The following SPATA6L variants were observed in gnomAD, a reference collection of about 807,000 sequenced individuals.
SPATA6L encodes the protein spermatogenesis associated 6 like.
A neutral mutation model predicts 49.2 loss-of-function variants in SPATA6L; 68 were observed. The observed-to-expected ratio is 1.38, with a 90% CI of 1.14 to 1.69. SPATA6L has a LOEUF of 1.69. Ranked by LOEUF, SPATA6L falls within the 40% of genes most tolerant of loss-of-function variation. The pLI is 0.00. For missense variants in SPATA6L, 668 were observed against 464.3 expected, an observed-to-expected ratio of 1.44 and a Z score of -4.03; for synonymous variants, 198 against 165.7, an observed-to-expected ratio of 1.19 and a Z score of -1.50.
At chr9:4,605,958 C>A (rs538296168) in intron 9 of SPATA6L, among the ~76,000 whole-genome samples, 1 of 152,082 alleles carries the variant, frequency 6.6e-6, no homozygotes, top group Non-Finnish European at 1.5e-5. Flanking sequence ...GTGCGCGCAC[C>A]GTGCGCGAGC....
chr9:4,662,522 G>T lies in SPATA6L; in HGVS notation c.40-486C>A, dbSNP rs774851123. The T allele has an allele frequency of 1.3e-6, 2 of 1,558,472 alleles. No homozygotes were observed. The highest frequency in any genetic ancestry group is 1.4e-5 in the African/African-American group (1 of 73,650). ...AGTCCCTGCTCAGCAGCCGCGCCAC[G>T]GCCGTGGACCCCACCTGCGCCCGGC... On this transcript the variant is annotated intron_variant, in intron 1 of 11. Coordinates refer to ENST00000682582, the MANE Select transcript of SPATA6L (RefSeq NM_001353486.2). The surrounding 1 kb of genome is among the most constrained non-coding windows in gnomAD (Gnocchi z 4.9).
At chr9:4,615,434 A>G (rs1467195206) in intron 9 of SPATA6L, among the ~76,000 whole-genome samples, 1 of 152,146 alleles carries the variant, frequency 6.6e-6, no homozygotes. Context: ...CTCAATTCCA[A>G]TCCCAGTTGA....
chr9:4,623,622 A>G (rs1829804959), intron 6 of SPATA6L, among the ~76,000 whole-genome samples: 1 of 152,176 alleles, frequency 6.6e-6, no homozygotes, highest in Non-Finnish European at 1.5e-5. Flanking sequence ...AAATCTGACT[A>G]AATAAAAAAA....
At chr9:4,641,214 A>G (rs992716218) in intron 3 of SPATA6L, among the ~76,000 whole-genome samples, 8 of 152,196 alleles carry the variant, frequency 5.3e-5, no homozygotes, top group African/African-American at 1.9e-4. Flanking sequence ...AACTATATAT[A>G]CTAAATACTA....
chr9:4,629,769 G>GTGTGTGTGTGTGTGTA (rs1311805859), intron 4 of SPATA6L, among the ~76,000 whole-genome samples: 58 of 101,920 alleles, frequency 5.7e-4, no homozygotes, highest in African/African-American at 2.7e-3. Context: ...GTGTGTGTGT[G>GTGTGTGTGTGTGTGTA]TATATATATA....
intron 5 of SPATA6L, chr9:4,626,326 G>C: frequency 8.2e-7 from 1 of 1,213,248 alleles, no homozygotes; most frequent in Non-Finnish European, 1.1e-6. Context: ...GTTCAGATTT[G>C]AGTCTAGACC....
intron 9 of SPATA6L, among the ~76,000 whole-genome samples, chr9:4,616,014 C>T (rs549380927): frequency 1.3e-5 from 2 of 152,296 alleles, no homozygotes; most frequent in East Asian, 1.9e-4. Flanking sequence ...CACGGTGGCT[C>T]ATGCCTGTAC....
downstream of SPATA6L, among the ~76,000 whole-genome samples, chr9:4,594,829 T>C: frequency 6.6e-6 from 1 of 152,126 alleles, no homozygotes; most frequent in East Asian, 1.9e-4. Flanking sequence ...TAAATTCTAT[T>C]TACAACCATA....
intron 3 of SPATA6L, among the ~76,000 whole-genome samples, chr9:4,650,991 C>T (rs182440991): frequency 1.3e-5 from 2 of 152,092 alleles, no homozygotes; most frequent in Non-Finnish European, 2.9e-5. Flanking sequence ...CATGAGCCAC[C>T]GTGCCCGGCG....
rs370364045 is a variant in SPATA6L, at chr9:4,611,925, CCTTGAACT to C, written c.995+5990_995+5997del. Among the ~76,000 whole-genome samples the C allele has an allele frequency of 6.5e-3, 991 of 152,192 alleles. 10 individuals carry two copies. Among genetic ancestry groups the C allele is most frequent in the African/African-American group, 0.023 (941 of 41,522 alleles). ...ACTGCATGATCATAGCTCACTGCAACCTTGAACTCTTGGACTCAAGCAATCCTCCAACT... is the reference window on the plus strand; with the variant it reads ...ACTGCATGATCATAGCTCACTGCAACCTTGGACTCAAGCAATCCTCCAACT... On this transcript the variant is annotated intron_variant, in intron 9 of 11. Coordinates refer to ENST00000682582, the MANE Select transcript of SPATA6L (RefSeq NM_001353486.2).
At position 4,662,731 on chromosome 9, in the gene SPATA6L, T is replaced by G. The variant is rs754070986; in HGVS notation, c.40-695A>C. The G allele has an allele frequency of 6.2e-7, 1 of 1,602,564 alleles. No homozygotes were observed. On this transcript the variant is annotated intron_variant, in intron 1 of 11. Transcript: ENST00000682582. This position sits in a 1 kb window ranked among gnomAD's most constrained non-coding sequence, Gnocchi z 4.9. ...CTGTGGCTGTCCAAGAAGCTGGGGG[T>G]GTGCGCGGGAGAGAGCTCGTCGTGG...
At chr9:4,634,206 T>C (rs1457174254) in intron 4 of SPATA6L, among the ~76,000 whole-genome samples, 3 of 152,232 alleles carry the variant, frequency 2.0e-5, no homozygotes, top group Admixed American at 6.5e-5. Flanking sequence ...GAGTATCCCC[T>C]ACCTAATTCT....
intron 11 of SPATA6L, among the ~76,000 whole-genome samples, chr9:4,603,297 G>C (rs1185282012): frequency 2.0e-5 from 3 of 152,274 alleles, no homozygotes; most frequent in South Asian, 2.1e-4. Flanking sequence ...GGGTGTGGTT[G>C]TGCACACCTG....
In SPATA6L at chr9:4,622,527, G is replaced by T; in HGVS notation, c.670-17C>A. The stretch of plus-strand genomic sequence containing the variant: ...ACTGTCCACCTGAAAGTAAAGGAAA[G>T]AAATAAGACTAGAATCCACTATAGC... On this transcript the variant is annotated splice_polypyrimidine_tract_variant and intron_variant, in intron 6 of 11. Coordinates refer to ENST00000682582, the MANE Select transcript of SPATA6L (RefSeq NM_001353486.2). 2 of 1,551,054 alleles carry T rather than the reference G, an allele frequency of 1.3e-6. No homozygotes were observed. Among genetic ancestry groups the T allele is most frequent in the Non-Finnish European group, 8.9e-7 (1 of 1,127,582 alleles).
At chr9:4,661,327 A>G (rs963805661) in intron 2 of SPATA6L, among the ~76,000 whole-genome samples, 11 of 152,166 alleles carry the variant, frequency 7.2e-5, no homozygotes, top group African/African-American at 2.2e-4. Flanking sequence ...TATTCTATGA[A>G]TAGTTTAGTG....
intron 3 of SPATA6L, among the ~76,000 whole-genome samples, chr9:4,645,563 C>T (rs1404762424): frequency 3.3e-5 from 5 of 152,084 alleles, no homozygotes; most frequent in African/African-American, 4.8e-5. Flanking sequence ...CTGACTCCCA[C>T]GATAACCCAT....
Position 4,627,757 on chromosome 9 carries a change from G to A in SPATA6L, c.429+1334C>T. ...CCTAAGACGCTTCACGCTTACCAAAGACGGACCATGAATACAATCCGAGCA... is the reference window on the plus strand; with the variant it reads ...CCTAAGACGCTTCACGCTTACCAAAAACGGACCATGAATACAATCCGAGCA... On this transcript the variant is annotated intron_variant, in intron 5 of 11. Coordinates refer to ENST00000682582, the MANE Select transcript of SPATA6L (RefSeq NM_001353486.2). The A allele has an allele frequency of 2.3e-6, 3 of 1,289,340 alleles. No individual in the cohort carries two copies. In the South Asian group the frequency reaches 3.7e-5, roughly 16 times the overall value. 79.9% of individuals were successfully genotyped at this position (1,289,340 alleles called of 1,614,324 possible). A position where few individuals can be genotyped will look rare whatever the true frequency, so the allele number is the denominator to read the frequency against.
rs1423783733 is a variant in SPATA6L at position 4,629,767 on chromosome 9, G to GTATATATATATATA, written c.352-600_352-599insTATATATATATATA. 3.6e-3 allele frequency among the ~76,000 whole-genome samples: 316 copies of GTATATATATATATA among 88,766 alleles called. 3 individuals carry two copies. Among genetic ancestry groups the GTATATATATATATA allele is most frequent in the African/African-American group, 0.02 (306 of 15,528 alleles). 58.2% of individuals were successfully genotyped at this position (88,766 alleles called of 152,430 possible). A position where few individuals can be genotyped will look rare whatever the true frequency, so the allele number is the denominator to read the frequency against. On this transcript the variant is annotated intron_variant, in intron 4 of 11. Transcript: ENST00000682582. ...TTGTGTTTTATATATGTGTGTGTGTGTGTATATATATATATATATATATAT... is the reference window on the plus strand; with the variant it reads ...TTGTGTTTTATATATGTGTGTGTGTGTATATATATATATATGTATATATATATATATATATATAT...
chr9:4,662,491 A>C lies in SPATA6L; in HGVS notation c.40-455T>G. ...GGCGGTGGCGGCGGCAGCAGGTTTG[A>C]GTTCCAGTCCCTGCTCAGCAGCCGC... On this transcript the variant is annotated intron_variant, in intron 1 of 11. Coordinates refer to ENST00000682582, the MANE Select transcript of SPATA6L (RefSeq NM_001353486.2). This position sits in a 1 kb window ranked among gnomAD's most constrained non-coding sequence, Gnocchi z 4.9. The C allele has an allele frequency of 6.4e-7, 1 of 1,557,496 alleles. No individual in the cohort carries two copies.
Sources: allele counts gnomAD v4.1 joint callset (sites outside exome capture counted in the v4.1 genomes callset), GRCh38; gene constraint gnomAD v4.1.1; non-coding constraint Gnocchi (gnomAD v3.1); transcripts MANE v1.5; gene names NCBI Gene and HGNC (gene_info 2026-07-23, HGNC 2026-07-21).